The following ZRANB1 variants were observed in gnomAD, a reference collection of about 807,000 sequenced individuals.
ZRANB1 encodes the protein zinc finger RANBP2-type containing 1, also known as ubiquitin thioesterase ZRANB1.
ZRANB1 carries 16 observed loss-of-function variants against 80.5 expected under a neutral mutation model. The ratio of observed to expected loss-of-function variants is 0.20; its 90% CI spans 0.13 to 0.30. The LOEUF is 0.30. Ranked by LOEUF, ZRANB1 falls within the 10% of genes least tolerant of loss-of-function variation. ZRANB1 has a pLI of 1.00. For missense variants in ZRANB1, 576 were observed against 862.6 expected, an observed-to-expected ratio of 0.67 and a Z score of 4.16; for synonymous variants, 291 against 293.1, an observed-to-expected ratio of 0.99 and a Z score of 0.07.
intron 1 of ZRANB1, among the ~76,000 whole-genome samples, chr10:124,952,764 A>G (rs1026563242): frequency 2.0e-5 from 3 of 151,220 alleles, no homozygotes; most frequent in African/African-American, 7.3e-5. Flanking sequence ...GCGCCCGCCA[A>G]CATTCCCAGC....
At chr10:124,919,941 T>C in the ZRANB1 span, among the ~76,000 whole-genome samples, 1 of 110,780 alleles carries the variant, frequency 9.0e-6, no homozygotes, top group Non-Finnish European at 1.8e-5. Context: ...TTTTGAGACC[T>C]TGTCTCATCA....
At chr10:124,962,126 G>C (rs1951738868) in intron 1 of ZRANB1, among the ~76,000 whole-genome samples, 1 of 152,194 alleles carries the variant, frequency 6.6e-6, no homozygotes, top group South Asian at 2.1e-4. Context: ...AAATGCTTAT[G>C]ATATAAAAAA....
rs1197555571 is a variant in ZRANB1, at chr10:124,986,559, G to C, written c.*1567G>C. On this transcript the variant is annotated 3_prime_UTR_variant, in exon 9 of 9. Transcript: ENST00000359653. The stretch of plus-strand genomic sequence containing the variant: ...TTTTGCTGCATGCTAAATCTTGCAG[G>C]AAAAATGATTTTTTAGTACGATTCT... 2 of 152,088 alleles carry C rather than the reference G, an allele frequency of 1.3e-5. No homozygotes were observed. The highest frequency in any genetic ancestry group is 2.9e-5 in the Non-Finnish European group (2 of 68,020). The allele number at this position is 152,088 out of a possible 1,614,324, so 9.4% of individuals were successfully genotyped here.
chr10:124,961,679 A>G (rs1951735841), intron 1 of ZRANB1, among the ~76,000 whole-genome samples: 1 of 152,260 alleles, frequency 6.6e-6, no homozygotes, highest in Non-Finnish European at 1.5e-5. Flanking sequence ...GTCACAACTT[A>G]CAGATAATTT....
At chr10:124,919,326 C>T in the ZRANB1 span, among the ~76,000 whole-genome samples, 1 of 152,086 alleles carries the variant, frequency 6.6e-6, no homozygotes, top group Non-Finnish European at 1.5e-5. Context: ...GGGCGGATCG[C>T]CTGAGGTCAG....
the ZRANB1 span, among the ~76,000 whole-genome samples, chr10:124,929,440 A>G: frequency 4.6e-5 from 7 of 151,512 alleles, no homozygotes; most frequent in Non-Finnish European, 7.4e-5. Flanking sequence ...TATTCAAGCA[A>G]TTCTCCTGCC....
At chr10:124,917,546 G>T in the ZRANB1 span, among the ~76,000 whole-genome samples, 1 of 151,942 alleles carries the variant, frequency 6.6e-6, no homozygotes, top group Non-Finnish European at 1.5e-5. Context: ...CGCGGTGCCG[G>T]TCCCACCGCC....
At chr10:124,919,981 A>T in the ZRANB1 span, among the ~76,000 whole-genome samples, 2 of 119,516 alleles carry the variant, frequency 1.7e-5, no homozygotes, top group African/African-American at 6.4e-5. Context: ...GTGCCGTGGC[A>T]TGATCTCGGT....
intron 3 of ZRANB1, among the ~76,000 whole-genome samples, chr10:124,972,348 T>C (rs957502347): frequency 1.3e-5 from 2 of 152,234 alleles, no homozygotes; most frequent in African/African-American, 4.8e-5. Flanking sequence ...ACGGATTTCT[T>C]TGTGGACCTC....
intron 1 of ZRANB1, among the ~76,000 whole-genome samples, chr10:124,952,440 GAGCAC>G (rs1476242982): frequency 6.6e-6 from 1 of 152,106 alleles, no homozygotes; most frequent in Non-Finnish European, 1.5e-5. Flanking sequence ...CCTCATGAAG[GAGCAC>G]AGCCTTCCCA....
rs183422477 is a variant in ZRANB1 at position 124,980,487 on chromosome 10, C to T, written c.1428-1222C>T. On this transcript the variant is annotated intron_variant, in intron 5 of 8. Coordinates refer to ENST00000359653, the MANE Select transcript of ZRANB1 (RefSeq NM_017580.3). The stretch of plus-strand genomic sequence containing the variant: ...ATATAACTTTCAGTATTGACAATTT[C>T]TCTGATATTTCTCCTTGAACTTTTC... Among the ~76,000 whole-genome samples, 93 of 150,302 alleles carry T rather than the reference C, an allele frequency of 6.2e-4. No homozygotes were observed. In the East Asian group the frequency reaches 0.016, roughly 27 times the overall value.
intron 3 of ZRANB1, among the ~76,000 whole-genome samples, chr10:124,972,953 T>A (rs961987203): frequency 1.3e-5 from 2 of 152,024 alleles, no homozygotes; most frequent in African/African-American, 4.8e-5. Flanking sequence ...AATTTTTAAT[T>A]TTTTTGTAGA....
Position 124,966,658 on chromosome 10 carries a change from T to C in ZRANB1, c.879T>C (p.Arg293=), listed in dbSNP as rs1326026698. 1.2e-6 allele frequency: 2 copies of C among 1,614,064 alleles called. No individual in the cohort carries two copies. The highest frequency in any genetic ancestry group is 2.7e-5 in the African/African-American group (2 of 74,930). Residue 293 remains arginine (R), a synonymous_variant, in exon 2 of 9, where the codon CGT becomes CGC. Coordinates refer to ENST00000359653, the MANE Select transcript of ZRANB1 (RefSeq NM_017580.3). ...AYKSSGGDIA[R]QLTADEVRLL... Reference sequence around the variant, plus strand: ...AGTCATCAGGAGGAGACATTGCACGTCAGCTCACCGCAGATGAAGTACGCT... The same window carrying C: ...AGTCATCAGGAGGAGACATTGCACGCCAGCTCACCGCAGATGAAGTACGCT...
At chr10:124,921,493 CTTGTA>C in the ZRANB1 span, among the ~76,000 whole-genome samples, 1 of 152,120 alleles carries the variant, frequency 6.6e-6, no homozygotes, top group Non-Finnish European at 1.5e-5. Context: ...GTGTGTTTCT[CTTGTA>C]TTGGATGAGT....
In ZRANB1 at chr10:124,983,637, G is replaced by C. The variant is rs770972336; in HGVS notation, c.1857G>C (p.Leu619=). 1 of 1,612,304 alleles carries C rather than the reference G, an allele frequency of 6.2e-7. No individual in the cohort carries two copies. Among genetic ancestry groups the C allele is most frequent in the Admixed American group, 1.7e-5 (1 of 59,716 alleles). The change falls in exon 8 of 9, where the codon CTG becomes CTC. Residue 619 remains leucine (L), a synonymous_variant. Transcript: ENST00000359653. This position sits in a 1 kb window ranked among gnomAD's most constrained non-coding sequence, Gnocchi z 6.2. ...ATGTCACCATCACATTTTTGCCTCT[G>C]GTTGACAGTGAAAGGAAGCTACTCC... The part of the protein sequence containing the change: ...DDDVTITFLP[L]VDSERKLLHV...
chr10:124,973,571 A>G, intron 3 of ZRANB1, 74 bp from the exon 4 acceptor site: 1 of 1,299,548 alleles, frequency 7.7e-7, no homozygotes, highest in Non-Finnish European at 1.1e-6. Flanking sequence ...TAGGTAATTA[A>G]TAAGTGTAAT....
Position 124,984,883 on chromosome 10 carries a change from A to T in ZRANB1, c.2018A>T (p.His673Leu). Residue 673 changes from histidine to leucine, a missense_variant, in exon 9 of 9, where the codon CAC (histidine) becomes CTC (leucine). This residue lies in a region of ZRANB1 where 152 missense variants were observed against 221.9 expected (regional missense o/e 0.69). Coordinates refer to ENST00000359653, the MANE Select transcript of ZRANB1 (RefSeq NM_017580.3). ...CAGAAGAGTTCTCGGCGGCGAAATC[A>T]CCCCCTGGTCACTCAGATGGTAGAA... ...AMQKSSRRRN[H>L]PLVTQMVEKW... 1 of 1,613,688 alleles carries T rather than the reference A, an allele frequency of 6.2e-7. No homozygotes were observed. The highest frequency in any genetic ancestry group is 8.5e-7 in the Non-Finnish European group (1 of 1,179,958).
intron 4 of ZRANB1, 24 bp downstream of exon 4, chr10:124,973,740 A>G: frequency 1.3e-6 from 2 of 1,598,528 alleles, no homozygotes; most frequent in Non-Finnish European, 1.7e-6. Context: ...TAATGAGTAT[A>G]ATTTACCTTT....
intron 5 of ZRANB1, among the ~76,000 whole-genome samples, chr10:124,977,705 T>C (rs1199536726): frequency 1.9e-5 from 2 of 107,040 alleles, no homozygotes; most frequent in Non-Finnish European, 3.5e-5. Flanking sequence ...AGTGAGACCC[T>C]GCTAAGAAAA....
Sources: gnomAD v4.1 joint callset for allele counts (sites outside exome capture counted in the v4.1 genomes callset) on GRCh38, gnomAD v4.1.1 for gene constraint, gnomAD v4.1.1 regional missense constraint, Gnocchi (gnomAD v3.1) non-coding constraint, MANE v1.5 for transcripts, NCBI Gene and HGNC (gene_info 2026-07-23, HGNC 2026-07-21) for gene names.